NPRL3: variants seen among roughly 807,000 people sequenced by gnomAD.
NPRL3 encodes the protein GATOR1 complex protein NPRL3.
NPRL3 carries 23 observed loss-of-function variants against 57.2 expected under a neutral mutation model. That is an observed-to-expected ratio of 0.40 (90% CI 0.29 to 0.57). The LOEUF (loss-of-function observed/expected upper bound fraction) is 0.57. NPRL3 is among the 20% of genes least tolerant of loss of function. The pLI, the probability that NPRL3 is intolerant of heterozygous loss-of-function variation, is 0.42. For synonymous variants in NPRL3, 333 were observed against 321.1 expected (o/e 1.04, Z -0.39); for missense variants, 691 against 767.1 (o/e 0.90, Z 1.17).
intron 5 of NPRL3, among the ~76,000 whole-genome samples, chr16:114,140 G>C (rs1384839527): frequency 1.3e-5 from 2 of 152,188 alleles, no homozygotes; most frequent in Non-Finnish European, 2.9e-5. Context: ...AATGATCCTG[G>C]ATATGTGATT....
chr16:105,952 G>A (rs1421361212), intron 7 of NPRL3, among the ~76,000 whole-genome samples: 2 of 152,220 alleles, frequency 1.3e-5, no homozygotes, highest in Non-Finnish European at 2.9e-5. Context: ...ATTCACAGAT[G>A]TTAGGTCCTG....
rs1231913439 is a variant in NPRL3 at position 98,182 on chromosome 16, T to C, written c.887A>G (p.Gln296Arg). 6.2e-7 allele frequency: 1 copy of C among 1,613,814 alleles called. No individual in the cohort carries two copies. Among genetic ancestry groups the C allele is most frequent in the Non-Finnish European group, 8.5e-7 (1 of 1,179,874 alleles). ...CAGGTCCGCATCTTGGGCTAGCTGC[T>C]GCAGGTTCTTCACAGCAGATGTGGT... is the stretch of plus-strand genomic sequence containing the variant. ...IKTTSAVKNL[Q>R]QLAQDADLAL... The change falls in exon 9 of 14, where the codon CAG (glutamine) becomes CGG (arginine). Residue 296 changes from glutamine to arginine, a missense_variant. Gln to Arg is a conservative substitution (Grantham distance 43, BLOSUM62 1). Coordinates refer to ENST00000611875, the MANE Select transcript of NPRL3 (RefSeq NM_001077350.3).
intron 3 of NPRL3, 32 bp downstream of exon 3, chr16:130,490 G>GC (rs1236114524): frequency 5.8e-6 from 9 of 1,541,836 alleles, no homozygotes; most frequent in Non-Finnish European, 7.9e-6. Flanking sequence ...ACCAGGACAC[G>GC]CCCCGCCCTG....
intron 9 of NPRL3, among the ~76,000 whole-genome samples, chr16:94,579 A>G (rs1898906021): frequency 6.6e-6 from 1 of 152,130 alleles, no homozygotes; most frequent in Non-Finnish European, 1.5e-5. Context: ...TGAGACCCTC[A>G]TCTCTGCCAA....
At position 122,914 on chromosome 16, in the gene NPRL3, G is replaced by A. The variant is rs192449655; in HGVS notation, c.189-3659C>T. The stretch of plus-strand genomic sequence containing the variant: ...CACAGACACTGTGTGTACCTCCAAG[G>A]CCCAGAGGAGATGCACTGTCAAGGG... On this transcript the variant is annotated intron_variant, in intron 3 of 13. Transcript: ENST00000611875. 4.8e-4 allele frequency among the ~76,000 whole-genome samples: 73 copies of A among 152,250 alleles called. No homozygotes were observed. The East Asian group carries it at 0.013, about 27-fold the overall frequency.
chr16:116,276 G>A (rs1900031647), intron 5 of NPRL3, among the ~76,000 whole-genome samples: 1 of 152,150 alleles, frequency 6.6e-6, no homozygotes, highest in Admixed American at 6.5e-5. Context: ...GTTGACAGGT[G>A]GACAACATTC....
chr16:115,118 G>A (rs1030165418), intron 5 of NPRL3, among the ~76,000 whole-genome samples: 1 of 151,816 alleles, frequency 6.6e-6, no homozygotes, highest in African/African-American at 2.4e-5. Context: ...GGGACTACAG[G>A]CGCACATCAT....
chr16:122,057 G>T (rs944414729), intron 3 of NPRL3, among the ~76,000 whole-genome samples: 2 of 151,276 alleles, frequency 1.3e-5, no homozygotes, highest in Middle Eastern at 3.5e-3. Context: ...TGACAGGCGT[G>T]AGCCACCACG....
chr16:102,226 C>G (rs909627770), intron 7 of NPRL3, among the ~76,000 whole-genome samples: 2 of 152,234 alleles, frequency 1.3e-5, no homozygotes, highest in Non-Finnish European at 2.9e-5. Flanking sequence ...CAGGGCGCCA[C>G]CCAACTCCAC....
intron 2 of NPRL3, among the ~76,000 whole-genome samples, chr16:131,269 G>A (rs1900778358): frequency 6.6e-6 from 1 of 152,128 alleles, no homozygotes; most frequent in Admixed American, 6.5e-5. Context: ...CACGAAATCA[G>A]GAGATCAAGA....
chr16:103,307 T>TTGTTTGTTTG (rs1311637536), intron 7 of NPRL3, among the ~76,000 whole-genome samples: 1 of 123,560 alleles, frequency 8.1e-6, no homozygotes, highest in African/African-American at 3.2e-5. Context: ...TTTTTTTTTT[T>TTGTTTGTTTG]TTTTTTTTTT....
At chr16:110,329 G>A (rs1899743808) in intron 7 of NPRL3, among the ~76,000 whole-genome samples, 196 bp downstream of exon 7, 1 of 152,016 alleles carries the variant, frequency 6.6e-6, no homozygotes, top group African/African-American at 2.4e-5. Flanking sequence ...CGGCCACCAA[G>A]GTCACTTCTT....
intron 3 of NPRL3, among the ~76,000 whole-genome samples, chr16:128,313 C>G (rs1900635218): frequency 6.6e-6 from 1 of 152,172 alleles, no homozygotes; most frequent in South Asian, 2.1e-4. Flanking sequence ...TTTAAATGGC[C>G]ACACTGGCCA....
At chr16:127,877 G>A (rs759989811) in intron 3 of NPRL3, among the ~76,000 whole-genome samples, 33 of 151,650 alleles carry the variant, frequency 2.2e-4, no homozygotes, top group Middle Eastern at 6.8e-3. Context: ...GATGAGTCTC[G>A]ATCTCCTGAC....
At chr16:114,808 T>C (rs923799028) in intron 5 of NPRL3, among the ~76,000 whole-genome samples, 2 of 151,966 alleles carry the variant, frequency 1.3e-5, no homozygotes, top group Non-Finnish European at 2.9e-5. Context: ...TCTTCTGAAG[T>C]ATGTAGGGAT....
intron 5 of NPRL3, among the ~76,000 whole-genome samples, chr16:116,797 C>T (rs368054547): frequency 7.0e-6 from 1 of 143,752 alleles, no homozygotes; most frequent in African/African-American, 2.6e-5. Flanking sequence ...ACCCCCCCCC[C>T]CCACCGATCT....
chr16:90,171 C>T, intron 11 of NPRL3: 1 of 445,714 alleles, frequency 2.2e-6, no homozygotes, highest in Non-Finnish European at 4.0e-6. Flanking sequence ...CAGCATCTGG[C>T]TGAGGAGCAG....
intron 11 of NPRL3, among the ~76,000 whole-genome samples, chr16:91,707 C>A (rs2562180): frequency 0.13 from 19,490 of 152,168 alleles, 2,927 homozygotes; most frequent in African/African-American, 0.37. Flanking sequence ...CAGAATCGTT[C>A]TCATTCGTAA....
intron 8 of NPRL3, among the ~76,000 whole-genome samples, chr16:99,984 GA>G (rs11402477): frequency 1.5e-4 from 17 of 115,854 alleles, no homozygotes; most frequent in African/African-American, 2.4e-4. Flanking sequence ...AAAAGAAAAA[GA>G]AAAAAAAAAG....
Sources: gnomAD v4.1 joint callset for allele counts (sites outside exome capture counted in the v4.1 genomes callset) on GRCh38, gnomAD v4.1.1 for gene constraint, MANE v1.5 for transcripts, NCBI Gene and HGNC (gene_info 2026-07-23, HGNC 2026-07-21) for gene names.